The following PGM2L1 variants were observed in gnomAD, a reference collection of about 807,000 sequenced individuals.
The protein encoded by PGM2L1 is phosphoglucomutase 2 like 1.
PGM2L1 carries 35 observed loss-of-function variants against 73.4 expected under a neutral mutation model. That is an observed-to-expected ratio of 0.48 (90% CI 0.36 to 0.63). PGM2L1 has a LOEUF of 0.63. PGM2L1 is among the 30% of genes least tolerant of loss of function. PGM2L1 has a pLI of 0.00. For missense variants in PGM2L1, 570 were observed against 742.0 expected (o/e 0.77, Z 2.69); for synonymous variants, 225 against 253.8 (o/e 0.89, Z 1.08).
At chr11:74,342,049 C>A (rs915848601) in intron 12 of PGM2L1, among the ~76,000 whole-genome samples, 8 of 152,016 alleles carry the variant, frequency 5.3e-5, no homozygotes, top group African/African-American at 1.9e-4. Flanking sequence ...TTGTTGCCAT[C>A]TTGGTTTTAG....
At chr11:74,364,305 A>C (rs528188412) in intron 5 of PGM2L1, among the ~76,000 whole-genome samples, 191 of 152,316 alleles carry the variant, frequency 1.3e-3, no homozygotes, top group African/African-American at 4.5e-3. Context: ...AAACTGGCAC[A>C]AGACAGGGAT....
chr11:74,343,769 C>CTTT lies in PGM2L1; in HGVS notation c.1219-356_1219-354dup, dbSNP rs56938172. 3.0e-3 allele frequency among the ~76,000 whole-genome samples: 239 copies of CTTT among 79,158 alleles called. 34 individuals are homozygous for CTTT. Among genetic ancestry groups the CTTT allele is most frequent in the African/African-American group, 0.011 (221 of 19,426 alleles). The allele number at this position is 79,158 out of a possible 152,430, so 51.9% of individuals were successfully genotyped here. A position where few individuals can be genotyped will look rare whatever the true frequency, so the allele number is the denominator to read the frequency against. On this transcript the variant is annotated intron_variant, in intron 9 of 13. Coordinates refer to ENST00000298198, the MANE Select transcript of PGM2L1 (RefSeq NM_173582.6). Reference sequence around the variant, plus strand: ...GACTGAACCAGGTGCTTTACATTATCTTTTTTTTTTTTTTTTTTTTTTTTT... The same window carrying CTTT: ...GACTGAACCAGGTGCTTTACATTATCTTTTTTTTTTTTTTTTTTTTTTTTTTTT...
chr11:74,398,402 G>A lies in PGM2L1; in HGVS notation c.-241C>T. The A allele has an allele frequency of 6.1e-6, 3 of 492,402 alleles. No homozygotes were observed. The highest frequency in any genetic ancestry group is 6.5e-6 in the Non-Finnish European group (2 of 308,298). The allele number at this position is 492,402 out of a possible 1,614,324, so 30.5% of individuals were successfully genotyped here. ...GGTCTCTGGGCGAAGTGACTGAGGC[G>A]GTCGCGCCGCGAGAGAACAACAGTC... On this transcript the variant is annotated 5_prime_UTR_variant, in exon 1 of 14. Transcript: ENST00000298198.
intron 1 of PGM2L1, among the ~76,000 whole-genome samples, chr11:74,385,313 T>C (rs1209876954): frequency 3.9e-5 from 6 of 152,218 alleles, no homozygotes; most frequent in African/African-American, 1.2e-4. Flanking sequence ...ATTAAAATTG[T>C]ATTTTGTGTA....
At chr11:74,378,764 T>C (rs560005393) in intron 1 of PGM2L1, among the ~76,000 whole-genome samples, 1 of 152,322 alleles carries the variant, frequency 6.6e-6, no homozygotes, top group South Asian at 2.1e-4. Context: ...CATGAAAGAA[T>C]TGATTTTTCC....
At chr11:74,389,259 A>G (rs1456835195) in intron 1 of PGM2L1, among the ~76,000 whole-genome samples, 1 of 152,082 alleles carries the variant, frequency 6.6e-6, no homozygotes, top group African/African-American at 2.4e-5. Context: ...CTGTTTCTCT[A>G]CAAAACAAAA....
At chr11:74,393,202 A>G (rs546171377) in intron 1 of PGM2L1, among the ~76,000 whole-genome samples, 107 of 152,362 alleles carry the variant, frequency 7.0e-4, no homozygotes, top group African/African-American at 2.3e-3. Context: ...ATATGTGTAT[A>G]CTGTGTACTC....
chr11:74,362,527 A>C lies in PGM2L1; in HGVS notation c.555+5965T>G, dbSNP rs933301470. Among the ~76,000 whole-genome samples the C allele has an allele frequency of 3.3e-5, 5 of 152,242 alleles. No individual in the cohort carries two copies. In the East Asian group the frequency reaches 9.6e-4, roughly 29 times the overall value. On this transcript the variant is annotated intron_variant, in intron 5 of 13. Transcript: ENST00000298198. ...CAGCTAACATCATAATGACAGGATC[A>C]AATTCACACATAACAATATTAACCT...
At chr11:74,358,652 G>A (rs2134908920) in intron 5 of PGM2L1, among the ~76,000 whole-genome samples, 1 of 152,298 alleles carries the variant, frequency 6.6e-6, no homozygotes, top group East Asian at 1.9e-4. Context: ...ATTCTGGGAG[G>A]CCAAGGCAGG....
intron 6 of PGM2L1, among the ~76,000 whole-genome samples, chr11:74,348,010 T>C (rs1379093244): frequency 1.3e-5 from 2 of 152,140 alleles, no homozygotes; most frequent in Non-Finnish European, 2.9e-5. Flanking sequence ...CTTCATCTCA[T>C]ACATCACTCA....
At chr11:74,343,227 C>A in intron 10 of PGM2L1, 96 bp downstream of exon 10, 1 of 1,420,278 alleles carries the variant, frequency 7.0e-7, no homozygotes, top group South Asian at 1.5e-5. Context: ...TTTTACAACT[C>A]AAAATATGAA....
intron 9 of PGM2L1, among the ~76,000 whole-genome samples, chr11:74,344,693 ACTT>A (rs142998114): frequency 0.033 from 4,955 of 152,282 alleles, 108 homozygotes; most frequent in Non-Finnish European, 0.052. Flanking sequence ...TGCCCATTAT[ACTT>A]CTTCTTGCTA....
intron 6 of PGM2L1, among the ~76,000 whole-genome samples, 172 bp downstream of exon 6, chr11:74,351,211 T>C (rs1591171308): frequency 6.6e-6 from 1 of 152,270 alleles, no homozygotes; most frequent in Non-Finnish European, 1.5e-5. Flanking sequence ...ATTTTACTTA[T>C]CCATTCATTA....
intron 1 of PGM2L1, among the ~76,000 whole-genome samples, chr11:74,383,843 A>ATATAT (rs398016660): frequency 1.4e-5 from 2 of 145,596 alleles, no homozygotes; most frequent in African/African-American, 2.5e-5. Context: ...ATATATATAT[A>ATATAT]ACATTTTCTT....
At chr11:74,394,304 T>C (rs1396618179) in intron 1 of PGM2L1, among the ~76,000 whole-genome samples, 3 of 152,204 alleles carry the variant, frequency 2.0e-5, no homozygotes, top group African/African-American at 7.2e-5. Flanking sequence ...ATCTGTACCA[T>C]ACATTAATAA....
intron 11 of PGM2L1, 113 bp downstream of exon 11, chr11:74,342,772 T>G (rs1862202579): frequency 2.2e-6 from 3 of 1,388,354 alleles, no homozygotes; most frequent in Non-Finnish European, 2.9e-6. Context: ...TTCACATAAT[T>G]TTAATACTTT....
At chr11:74,350,386 CTT>C (rs1205418012) in intron 6 of PGM2L1, among the ~76,000 whole-genome samples, 1 of 152,072 alleles carries the variant, frequency 6.6e-6, no homozygotes, top group Non-Finnish European at 1.5e-5. Context: ...AAAATAAACT[CTT>C]AAGAGAAATG....
chr11:74,362,627 G>A, intron 5 of PGM2L1, among the ~76,000 whole-genome samples: 1 of 152,152 alleles, frequency 6.6e-6, no homozygotes, highest in Non-Finnish European at 1.5e-5. Flanking sequence ...AGACCCATCA[G>A]TGTGCTGTAT....
At chr11:74,384,329 T>C (rs573574706) in intron 1 of PGM2L1, among the ~76,000 whole-genome samples, 82 of 152,214 alleles carry the variant, frequency 5.4e-4, no homozygotes, top group Middle Eastern at 3.4e-3. Flanking sequence ...ATTATTTTCA[T>C]TTCTCCACCA....
Sources: allele counts gnomAD v4.1 joint callset (sites outside exome capture counted in the v4.1 genomes callset), GRCh38; gene constraint gnomAD v4.1.1; transcripts MANE v1.5; gene names NCBI Gene and HGNC (gene_info 2026-07-23, HGNC 2026-07-21).